The following DLG2 variants were observed in gnomAD, a reference collection of about 807,000 sequenced individuals.
The protein encoded by DLG2 is disks large homolog 2.
A neutral mutation model predicts 132.5 loss-of-function variants in DLG2; 45 were observed. The observed-to-expected ratio is 0.34, with a 90% confidence interval of 0.27 to 0.44. The LOEUF (loss-of-function observed/expected upper bound fraction) is 0.44. Among genes scored for constraint, DLG2 ranks in the 20% least tolerant of loss-of-function variants. The pLI, the probability that DLG2 is intolerant of heterozygous loss-of-function variation, is 1.00. For missense variants in DLG2, 1,045 were observed against 1,196.9 expected, an observed-to-expected ratio of 0.87 and a Z score of 1.87; for synonymous variants, 424 against 419.6, an observed-to-expected ratio of 1.01 and a Z score of -0.13.
rs1163275954 is a variant in DLG2 at position 84,741,056 on chromosome 11, C to CTTTTT, written c.358-206330_358-206326dup. On this transcript the variant is annotated intron_variant, in intron 6 of 27. Coordinates refer to ENST00000376104, the MANE Select transcript of DLG2 (RefSeq NM_001142699.3). The stretch of plus-strand genomic sequence containing the variant: ...GACCAAACAACTGTGTGCCTATGCT[C>CTTTTT]TTTTTTTTTTTTTTTTTTTTTTTTT... Among the ~76,000 whole-genome samples, 57 of 79,330 alleles carry CTTTTT rather than the reference C, an allele frequency of 7.2e-4. 9 individuals are homozygous for CTTTTT. Among genetic ancestry groups the CTTTTT allele is most frequent in the African/African-American group, 1.9e-3 (33 of 17,286 alleles). 52.0% of individuals were successfully genotyped at this position (79,330 alleles called of 152,430 possible). A position where few individuals can be genotyped will look rare whatever the true frequency, so the allele number is the denominator to read the frequency against.
intron 15 of DLG2, among the ~76,000 whole-genome samples, chr11:83,877,309 A>G (rs536022642): frequency 6.6e-6 from 1 of 152,240 alleles, no homozygotes; most frequent in East Asian, 1.9e-4. Flanking sequence ...CTAATTGTAT[A>G]TCTTTTGTGC....
intron 7 of DLG2, among the ~76,000 whole-genome samples, chr11:84,383,955 C>G (rs756288390): frequency 1.3e-4 from 20 of 151,630 alleles, no homozygotes; most frequent in Admixed American, 7.3e-4. Flanking sequence ...CATTGGGCTC[C>G]TACTGCACTT....
chr11:85,242,305 T>C (rs1234276643), intron 4 of DLG2, among the ~76,000 whole-genome samples: 2 of 152,116 alleles, frequency 1.3e-5, no homozygotes, highest in East Asian at 1.9e-4. Flanking sequence ...TTTTCCTCTT[T>C]GGAACTTTTT....
chr11:83,738,238 C>G (rs1403314510), intron 18 of DLG2, among the ~76,000 whole-genome samples: 1 of 152,128 alleles, frequency 6.6e-6, no homozygotes, highest in African/African-American at 2.4e-5. Flanking sequence ...CAATGTTTAC[C>G]CAAACCCACA....
intron 6 of DLG2, among the ~76,000 whole-genome samples, chr11:84,766,549 C>T (rs144926104): frequency 7.5e-4 from 114 of 152,132 alleles, no homozygotes; most frequent in African/African-American, 2.7e-3. Flanking sequence ...ATGTGGAGAA[C>T]ATAACAGCTC....
At chr11:84,505,838 A>T (rs949435238) in intron 7 of DLG2, among the ~76,000 whole-genome samples, 2 of 152,152 alleles carry the variant, frequency 1.3e-5, no homozygotes, top group Non-Finnish European at 2.9e-5. Context: ...AAAAAAATGT[A>T]AGATGTATTT....
At chr11:85,498,699 A>T (rs186915462) in intron 3 of DLG2, among the ~76,000 whole-genome samples, 2 of 152,304 alleles carry the variant, frequency 1.3e-5, no homozygotes, top group East Asian at 3.9e-4. Flanking sequence ...CTCCTCAGGA[A>T]TGTAAACAAA....
intron 7 of DLG2, among the ~76,000 whole-genome samples, chr11:84,329,686 T>C (rs1304885094): frequency 6.6e-6 from 1 of 152,230 alleles, no homozygotes; most frequent in Non-Finnish European, 1.5e-5. Context: ...GTTTGAACTC[T>C]TCCATTGACT....
At chr11:85,555,911 C>G (rs2076920238) in intron 3 of DLG2, among the ~76,000 whole-genome samples, 1 of 151,862 alleles carries the variant, frequency 6.6e-6, no homozygotes, top group African/African-American at 2.4e-5. Context: ...TCCCATTTCT[C>G]TCTGCCCTGG....
chr11:83,919,972 G>A (rs4379867), intron 15 of DLG2, among the ~76,000 whole-genome samples: 3,788 of 152,214 alleles, frequency 0.025, 173 homozygotes, highest in African/African-American at 0.086. Flanking sequence ...TATTATGTTA[G>A]GCAGGTTGCT....
At chr11:84,906,444 G>A (rs1390806923) in intron 6 of DLG2, among the ~76,000 whole-genome samples, 1 of 150,774 alleles carries the variant, frequency 6.6e-6, no homozygotes, top group African/African-American at 2.4e-5. Flanking sequence ...TAATTAGTGT[G>A]CTTTAAGTCA....
intron 3 of DLG2, among the ~76,000 whole-genome samples, chr11:85,488,315 A>G (rs1597839629): frequency 6.6e-6 from 1 of 151,746 alleles, no homozygotes; most frequent in Non-Finnish European, 1.5e-5. Flanking sequence ...CTTGAACCCA[A>G]GAGGCAGAGG....
intron 6 of DLG2, among the ~76,000 whole-genome samples, chr11:84,784,637 T>C (rs566049087): frequency 6.6e-6 from 1 of 152,216 alleles, no homozygotes; most frequent in South Asian, 2.1e-4. Flanking sequence ...ATAAAGACTC[T>C]TGCTTTTAAA....
chr11:83,786,649 A>G, intron 18 of DLG2, 41 bp downstream of exon 18: 1 of 1,526,436 alleles, frequency 6.6e-7, no homozygotes, highest in Non-Finnish European at 9.1e-7. Flanking sequence ...AGATCCACAC[A>G]GAGACATATC....
intron 6 of DLG2, among the ~76,000 whole-genome samples, chr11:84,669,495 A>G (rs139437279): frequency 6.6e-6 from 1 of 152,252 alleles, no homozygotes; most frequent in Non-Finnish European, 1.5e-5. Context: ...CTCATCATAT[A>G]TTTACTTATT....
chr11:85,040,904 G>A (rs1174028832), intron 6 of DLG2, among the ~76,000 whole-genome samples: 1 of 151,728 alleles, frequency 6.6e-6, no homozygotes, highest in Non-Finnish European at 1.5e-5. Flanking sequence ...TATAGATGAG[G>A]AAACTAAGAG....
chr11:84,938,192 CCTT>C (rs2048976667), intron 6 of DLG2, among the ~76,000 whole-genome samples: 1 of 152,136 alleles, frequency 6.6e-6, no homozygotes, highest in South Asian at 2.1e-4. Flanking sequence ...GAACTAATGA[CCTT>C]CTTATGAATG....
At chr11:84,645,807 C>A (rs913939327) in intron 6 of DLG2, among the ~76,000 whole-genome samples, 50 of 152,160 alleles carry the variant, frequency 3.3e-4, no homozygotes, top group Non-Finnish European at 4.9e-4. Context: ...GAGTGGCTAG[C>A]ACCACAGGTG....
At chr11:84,141,612 A>T (rs908349578) in intron 9 of DLG2, among the ~76,000 whole-genome samples, 2 of 152,096 alleles carry the variant, frequency 1.3e-5, no homozygotes, top group Non-Finnish European at 2.9e-5. Flanking sequence ...TGGACTCCAG[A>T]TTTTCCTTTG....
Sources: gnomAD v4.1 joint callset for allele counts (sites outside exome capture counted in the v4.1 genomes callset) on GRCh38, gnomAD v4.1.1 for gene constraint, MANE v1.5 for transcripts, NCBI Gene and HGNC (gene_info 2026-07-23, HGNC 2026-07-21) for gene names.